FMNL2: variants seen among roughly 807,000 people sequenced by gnomAD.
FMNL2 encodes the protein formin like 2, also known as formin-like protein 2.
Under a neutral mutation model 130.2 loss-of-function variants are expected in FMNL2, and 51 were observed. That is an observed-to-expected ratio of 0.39 (90% CI 0.31 to 0.49). The LOEUF is 0.49. Ranked by LOEUF, FMNL2 falls within the 20% of genes least tolerant of loss-of-function variation. The probability of loss-of-function intolerance (pLI) is 0.85; values close to 1 mark genes in which losing one functional copy is unlikely to be tolerated. For missense variants in FMNL2, 977 were observed against 1,316.2 expected (o/e 0.74, Z 3.99); for synonymous variants, 465 against 467.1 (o/e 1.00, Z 0.06).
intron 12 of FMNL2, 109 bp from the exon 13 acceptor site, chr2:152,616,982 C>A: frequency 1.2e-6 from 1 of 822,970 alleles, no homozygotes; most frequent in South Asian, 1.8e-5. Context: ...ACTTGCGGAA[C>A]ACATGCAGGG....
Position 152,335,397 on chromosome 2 carries a change from C to T in FMNL2, c.-207C>T, listed in dbSNP as rs931282134. On this transcript the variant is annotated 5_prime_UTR_variant, in exon 1 of 26. Coordinates refer to ENST00000288670, the MANE Select transcript of FMNL2 (RefSeq NM_052905.4). ...AGAGGCCGGGGCCGCGCTGGGGCGG[C>T]GGAGAGCATGAGGGAGGCCGGGGGG... The T allele has an allele frequency of 2.8e-5, 8 of 287,646 alleles. No homozygotes were observed. Among genetic ancestry groups the T allele is most frequent in the Admixed American group, 1.6e-4 (3 of 18,768 alleles). 17.8% of individuals were successfully genotyped at this position (287,646 alleles called of 1,614,324 possible).
At chr2:152,396,139 C>T (rs1041843203) in intron 1 of FMNL2, among the ~76,000 whole-genome samples, 4 of 152,170 alleles carry the variant, frequency 2.6e-5, no homozygotes, top group Non-Finnish European at 4.4e-5. Flanking sequence ...ATCCCTCCCC[C>T]TCTCCTTTAT....
rs541504757 is a variant in FMNL2, at chr2:152,451,148, G to GT, written c.118-70786dup. The stretch of plus-strand genomic sequence containing the variant: ...GCTAACTTTGAACTCTTGGACTTCA[G>GT]TTTTTTTTTGTTGTTGTTGAGATGG... On this transcript the variant is annotated intron_variant, in intron 1 of 25. Coordinates refer to ENST00000288670, the MANE Select transcript of FMNL2 (RefSeq NM_052905.4). Among the ~76,000 whole-genome samples, 26 of 151,446 alleles carry GT rather than the reference G, an allele frequency of 1.7e-4. No homozygotes were observed. In the South Asian group the frequency reaches 3.4e-3, roughly 20 times the overall value.
At chr2:152,598,894 A>G (rs1479425769) in intron 9 of FMNL2, among the ~76,000 whole-genome samples, 3 of 152,214 alleles carry the variant, frequency 2.0e-5, no homozygotes, top group Admixed American at 6.5e-5. Context: ...ACGCATCTGT[A>G]AGCTGGAAAT....
Position 152,640,921 on chromosome 2 carries a change from G to A in FMNL2, c.3169+7G>A. Reference sequence around the variant, plus strand: ...ATTGAAGATATTATCACAGGTAAAAGATATTTCTTCACTGTGGCCCATGGA... The same window carrying A: ...ATTGAAGATATTATCACAGGTAAAAAATATTTCTTCACTGTGGCCCATGGA... On this transcript the variant is annotated splice_region_variant and intron_variant, in intron 25 of 25. Coordinates refer to ENST00000288670, the MANE Select transcript of FMNL2 (RefSeq NM_052905.4). 2 of 1,613,342 alleles carry A rather than the reference G, an allele frequency of 1.2e-6. No homozygotes were observed. Among genetic ancestry groups the A allele is most frequent in the Non-Finnish European group, 1.7e-6 (2 of 1,179,538 alleles).
At chr2:152,549,264 A>G (rs1694810716) in intron 4 of FMNL2, among the ~76,000 whole-genome samples, 167 bp downstream of exon 4, 1 of 152,248 alleles carries the variant, frequency 6.6e-6, no homozygotes, top group African/African-American at 2.4e-5. Context: ...CTGCCCAAGA[A>G]TCAGCAGAAG....
chr2:152,405,532 G>A (rs1685937714), intron 1 of FMNL2, among the ~76,000 whole-genome samples: 1 of 152,200 alleles, frequency 6.6e-6, no homozygotes. Flanking sequence ...GTGATGTCTT[G>A]TGATTTTTTT....
At chr2:152,402,664 T>G (rs1184560514) in intron 1 of FMNL2, among the ~76,000 whole-genome samples, 1 of 152,200 alleles carries the variant, frequency 6.6e-6, no homozygotes, top group Non-Finnish European at 1.5e-5. Flanking sequence ...TCCTTCCTCT[T>G]TGACTTTTTA....
At chr2:152,578,796 A>G in intron 7 of FMNL2, 92 bp from the exon 8 acceptor site, 1 of 921,772 alleles carries the variant, frequency 1.1e-6, no homozygotes, top group Non-Finnish European at 1.7e-6. Flanking sequence ...TTAGGTAGAT[A>G]CTTCGGGTTT....
chr2:152,344,490 T>G (rs1399561723), intron 1 of FMNL2, among the ~76,000 whole-genome samples: 3 of 152,136 alleles, frequency 2.0e-5, no homozygotes, highest in Non-Finnish European at 2.9e-5. Context: ...TGAAAGATAT[T>G]TGATTCAACT....
intron 1 of FMNL2, among the ~76,000 whole-genome samples, chr2:152,344,168 A>G (rs1366751996): frequency 6.6e-6 from 1 of 152,160 alleles, no homozygotes; most frequent in Non-Finnish European, 1.5e-5. Context: ...AAACAAAAAC[A>G]AAAACAGAAA....
At chr2:152,640,953 A>G (rs1683034073) in intron 25 of FMNL2, 39 bp downstream of exon 25, 1 of 1,611,228 alleles carries the variant, frequency 6.2e-7, no homozygotes. Flanking sequence ...TGGAGATCCC[A>G]CTGGCCTCAC....
chr2:152,590,252 G>A (rs78534454), intron 9 of FMNL2, among the ~76,000 whole-genome samples: 4,991 of 151,708 alleles, frequency 0.033, 196 homozygotes, highest in East Asian at 0.17. Context: ...TATGTGTCAT[G>A]GAATTCTTGA....
intron 1 of FMNL2, among the ~76,000 whole-genome samples, chr2:152,394,871 AG>A (rs1685309608): frequency 6.6e-6 from 1 of 152,166 alleles, no homozygotes; most frequent in South Asian, 2.1e-4. Context: ...ATGTAATTTG[AG>A]GATAAGCAAA....
intron 2 of FMNL2, among the ~76,000 whole-genome samples, chr2:152,532,809 C>T (rs550578768): frequency 2.8e-4 from 42 of 151,896 alleles, no homozygotes; most frequent in Admixed American, 6.6e-4. Context: ...GGTTTCACCA[C>T]GTTGGCCAGG....
chr2:152,509,508 A>T (rs1222382918), intron 1 of FMNL2, among the ~76,000 whole-genome samples: 1 of 151,902 alleles, frequency 6.6e-6, no homozygotes, highest in Non-Finnish European at 1.5e-5. Flanking sequence ...CTCTCATTGG[A>T]TAAAAAGTGT....
intron 1 of FMNL2, among the ~76,000 whole-genome samples, chr2:152,458,331 C>T (rs1476167593): frequency 6.6e-6 from 1 of 152,130 alleles, no homozygotes; most frequent in Admixed American, 6.5e-5. Context: ...ATAGTGGGGT[C>T]CTTACCCCTT....
chr2:152,596,260 G>C (rs1050050532), intron 9 of FMNL2, among the ~76,000 whole-genome samples: 2 of 152,024 alleles, frequency 1.3e-5, no homozygotes, highest in Admixed American at 1.3e-4. Context: ...ACTGAGCCCG[G>C]CTGTCTTTTT....
intron 4 of FMNL2, among the ~76,000 whole-genome samples, chr2:152,553,201 G>C (rs948174411): frequency 6.6e-6 from 1 of 152,174 alleles, no homozygotes; most frequent in African/African-American, 2.4e-5. Context: ...GAGTGACAAA[G>C]GCTGCTTTTA....
Sources: gnomAD v4.1 joint callset for allele counts (sites outside exome capture counted in the v4.1 genomes callset) on GRCh38, gnomAD v4.1.1 for gene constraint, MANE v1.5 for transcripts, NCBI Gene and HGNC (gene_info 2026-07-23, HGNC 2026-07-21) for gene names.